The following SLC25A21 variants were observed in gnomAD, a reference collection of about 807,000 sequenced individuals.
The protein encoded by SLC25A21 is mitochondrial 2-oxodicarboxylate carrier.
Under a neutral mutation model 43.8 loss-of-function variants are expected in SLC25A21, and 47 were observed. The observed-to-expected ratio is 1.07, with a 90% CI of 0.85 to 1.37. The LOEUF (loss-of-function observed/expected upper bound fraction) is 1.37. Among genes scored for constraint, SLC25A21 ranks in the 40% most tolerant of loss-of-function variants. The pLI, the probability that SLC25A21 is intolerant of heterozygous loss-of-function variation, is 0.00. For synonymous variants in SLC25A21, 131 were observed against 121.3 expected (o/e 1.08, Z -0.52); for missense variants, 352 against 350.2 (o/e 1.00, Z -0.04).
At chr14:36,978,533 A>C (rs1006660466) in intron 1 of SLC25A21, among the ~76,000 whole-genome samples, 7 of 152,220 alleles carry the variant, frequency 4.6e-5, no homozygotes, top group African/African-American at 1.7e-4. Context: ...CAGTATCTGC[A>C]AAGCATGGCA....
rs182167905 is a variant in SLC25A21 at position 37,140,667 on chromosome 14, T to C, written c.70+31614A>G. ...GCAGAAAAACAGATACTGAATGTTA[T>C]ATGAAGTATTTATTTATAAAAACAT... is the stretch of plus-strand genomic sequence containing the variant. On this transcript the variant is annotated intron_variant, in intron 1 of 9. Transcript: ENST00000331299. 1.8e-3 allele frequency among the ~76,000 whole-genome samples: 278 copies of C among 152,378 alleles called. 1 individual carries two copies. The highest frequency in any genetic ancestry group is 6.6e-3 in the African/African-American group (274 of 41,590).
intron 1 of SLC25A21, among the ~76,000 whole-genome samples, chr14:36,938,316 AT>A (rs1479849733): frequency 3.3e-5 from 5 of 152,266 alleles, no homozygotes; most frequent in Admixed American, 1.3e-4. Flanking sequence ...TTTAACTAAG[AT>A]TCCACAGGGG....
At chr14:36,986,310 C>A (rs891922800) in intron 1 of SLC25A21, among the ~76,000 whole-genome samples, 1 of 152,114 alleles carries the variant, frequency 6.6e-6, no homozygotes, top group African/African-American at 2.4e-5. Flanking sequence ...ATATTAGTAA[C>A]CTCCATGTTC....
chr14:36,897,138 C>G (rs1409240293), intron 1 of SLC25A21, among the ~76,000 whole-genome samples: 1 of 152,184 alleles, frequency 6.6e-6, no homozygotes, highest in African/African-American at 2.4e-5. Context: ...GAGTGTTTTC[C>G]AACTTGGTTC....
chr14:37,007,171 G>T (rs1478616084), intron 1 of SLC25A21, among the ~76,000 whole-genome samples: 3 of 152,196 alleles, frequency 2.0e-5, no homozygotes, highest in Non-Finnish European at 4.4e-5. Flanking sequence ...CTCTCTGACA[G>T]TCTAACACAT....
At chr14:37,066,809 T>G (rs946868190) in intron 1 of SLC25A21, among the ~76,000 whole-genome samples, 1 of 152,124 alleles carries the variant, frequency 6.6e-6, no homozygotes, top group Non-Finnish European at 1.5e-5. Context: ...CATAAAATAT[T>G]GATAATAGAT....
At chr14:37,036,248 G>C (rs1436383427) in intron 1 of SLC25A21, among the ~76,000 whole-genome samples, 1 of 152,076 alleles carries the variant, frequency 6.6e-6, no homozygotes, top group East Asian at 1.9e-4. Flanking sequence ...CTTCTGCCAA[G>C]GCTGTGCTAT....
Position 36,968,091 on chromosome 14 carries a change from C to T in SLC25A21, c.71-93087G>A, listed in dbSNP as rs143489468. On this transcript the variant is annotated intron_variant, in intron 1 of 9. Coordinates refer to ENST00000331299, the MANE Select transcript of SLC25A21 (RefSeq NM_030631.4). ...CACGTAGTGGAGGTAACAGCATGTA[C>T]AAAAGTGCTAGTAGAAGAGAGCTTG... Among the ~76,000 whole-genome samples the T allele has an allele frequency of 6.3e-4, 96 of 152,164 alleles. 2 individuals carry two copies. In the East Asian group the frequency reaches 0.016, roughly 26 times the overall value.
intron 2 of SLC25A21, among the ~76,000 whole-genome samples, chr14:36,836,372 T>C (rs897229945): frequency 6.6e-6 from 1 of 152,236 alleles, no homozygotes; most frequent in African/African-American, 2.4e-5. Context: ...GATATATTAG[T>C]GCACTTCTGT....
intron 1 of SLC25A21, among the ~76,000 whole-genome samples, chr14:36,965,328 A>G (rs541511880): frequency 6.6e-6 from 1 of 152,176 alleles, no homozygotes; most frequent in Non-Finnish European, 1.5e-5. Context: ...CACTAAATTT[A>G]AAGTCTTGGT....
chr14:37,032,420 C>T (rs1961234967), intron 1 of SLC25A21, among the ~76,000 whole-genome samples: 1 of 152,026 alleles, frequency 6.6e-6, no homozygotes, highest in Non-Finnish European at 1.5e-5. Context: ...CCTGTAGTCC[C>T]AGCTACTCGG....
intron 1 of SLC25A21, among the ~76,000 whole-genome samples, chr14:37,030,446 C>A (rs1045173841): frequency 2.6e-5 from 4 of 152,156 alleles, no homozygotes; most frequent in African/African-American, 9.7e-5. Flanking sequence ...TGGGGTATCA[C>A]CCCTTGAATA....
chr14:36,958,892 T>C (rs1019058861), intron 1 of SLC25A21, among the ~76,000 whole-genome samples: 3 of 152,240 alleles, frequency 2.0e-5, no homozygotes. Flanking sequence ...ACCAGCTTCC[T>C]GGAAGATTAA....
chr14:37,171,182 A>C (rs1165464761), intron 1 of SLC25A21, among the ~76,000 whole-genome samples: 1 of 151,578 alleles, frequency 6.6e-6, no homozygotes, highest in African/African-American at 2.4e-5. Flanking sequence ...TCCTGTAAGC[A>C]ATGAATGGCT....
intron 2 of SLC25A21, among the ~76,000 whole-genome samples, chr14:36,850,629 T>C (rs1157962885): frequency 1.3e-5 from 2 of 152,170 alleles, no homozygotes; most frequent in Non-Finnish European, 2.9e-5. Flanking sequence ...GGAAAAGTAG[T>C]TGATAGTCCA....
intron 1 of SLC25A21, among the ~76,000 whole-genome samples, chr14:37,171,245 T>C (rs1189743369): frequency 1.3e-5 from 2 of 152,126 alleles, no homozygotes; most frequent in Non-Finnish European, 2.9e-5. Context: ...AGATTGTAAG[T>C]GACACGTGGC....
chr14:36,916,742 T>C (rs1211944726), intron 1 of SLC25A21, among the ~76,000 whole-genome samples: 2 of 152,290 alleles, frequency 1.3e-5, no homozygotes, highest in South Asian at 4.1e-4. Flanking sequence ...AATCTATATA[T>C]CTAGGCCTGA....
chr14:36,873,949 T>C (rs1213075250), intron 2 of SLC25A21, among the ~76,000 whole-genome samples: 1 of 152,170 alleles, frequency 6.6e-6, no homozygotes, highest in Non-Finnish European at 1.5e-5. Flanking sequence ...AATATGAATG[T>C]CTGTTGTTTA....
chr14:37,114,622 T>C (rs1963074416), intron 1 of SLC25A21, among the ~76,000 whole-genome samples: 1 of 152,348 alleles, frequency 6.6e-6, no homozygotes. Flanking sequence ...AATTTCTTTC[T>C]AGTTAGCAGC....
Sources: gnomAD v4.1 joint callset for allele counts (sites outside exome capture counted in the v4.1 genomes callset) on GRCh38, gnomAD v4.1.1 for gene constraint, MANE v1.5 for transcripts, NCBI Gene and HGNC (gene_info 2026-07-23, HGNC 2026-07-21) for gene names.